Variants in SLC13A1 observed in about 807,000 individuals in gnomAD.
SLC13A1 encodes the protein solute carrier family 13 member 1.
In SLC13A1, 65 loss-of-function variants were observed where a neutral mutation model predicts 70.0. The ratio of observed to expected loss-of-function variants is 0.93; its 90% CI spans 0.76 to 1.14. SLC13A1 has a LOEUF of 1.14. SLC13A1 is among the 50% of genes most tolerant of loss of function. SLC13A1 has a pLI of 0.00. For missense variants in SLC13A1, 726 were observed against 717.8 expected (o/e 1.01, Z -0.13); for synonymous variants, 275 against 250.5 (o/e 1.10, Z -0.92).
chr7:123,128,218 G>GA (rs1407773214), intron 10 of SLC13A1, among the ~76,000 whole-genome samples: 1 of 151,612 alleles, frequency 6.6e-6, no homozygotes, highest in East Asian at 1.9e-4. Context: ...AATAAATGAA[G>GA]AAAAAAGACA....
intron 2 of SLC13A1, 112 bp downstream of exon 2, chr7:123,180,861 T>C: frequency 6.1e-6 from 7 of 1,156,658 alleles, no homozygotes; most frequent in Non-Finnish European, 8.4e-6. Context: ...TTTGGGGGAC[T>C]TATGTGGAAC....
chr7:123,157,520 C>T (rs1794751778), intron 6 of SLC13A1, among the ~76,000 whole-genome samples: 1 of 151,832 alleles, frequency 6.6e-6, no homozygotes, highest in Admixed American at 6.6e-5. Context: ...TTTTATTGCC[C>T]TAAATGTTAA....
chr7:123,157,512 T>C (rs1277033449), intron 6 of SLC13A1, among the ~76,000 whole-genome samples: 4 of 152,110 alleles, frequency 2.6e-5, no homozygotes, highest in Non-Finnish European at 5.9e-5. Flanking sequence ...TTAAAAAATT[T>C]TATTGCCCTA....
At chr7:123,137,500 T>C (rs1793991042) in intron 7 of SLC13A1, among the ~76,000 whole-genome samples, 1 of 152,134 alleles carries the variant, frequency 6.6e-6, no homozygotes. Flanking sequence ...AAACATCCTG[T>C]TGTCAGAGGA....
intron 1 of SLC13A1, among the ~76,000 whole-genome samples, chr7:123,191,001 A>C (rs1795976986): frequency 6.6e-6 from 1 of 151,184 alleles, no homozygotes; most frequent in Admixed American, 6.6e-5. Context: ...GGATTTTGTC[A>C]GTCTTTCTTT....
At chr7:123,143,967 G>T (rs189091152) in intron 7 of SLC13A1, among the ~76,000 whole-genome samples, 34 of 152,340 alleles carry the variant, frequency 2.2e-4, no homozygotes, top group African/African-American at 6.7e-4. Context: ...GTAGGGTAGA[G>T]TGGAGTAGAT....
At chr7:123,167,882 C>T (rs774061290) in intron 6 of SLC13A1, among the ~76,000 whole-genome samples, 1 of 151,900 alleles carries the variant, frequency 6.6e-6, no homozygotes, top group Non-Finnish European at 1.5e-5. Context: ...TAATGAAAAT[C>T]AGTCTATTAG....
intron 7 of SLC13A1, 121 bp from the exon 8 acceptor site, chr7:123,134,650 A>C: frequency 1.2e-6 from 1 of 862,694 alleles, no homozygotes; most frequent in Non-Finnish European, 1.8e-6. Context: ...GAAGTCCTGG[A>C]ATATACTCAT....
At chr7:123,197,964 A>G (rs1050041766) in intron 1 of SLC13A1, among the ~76,000 whole-genome samples, 4 of 152,156 alleles carry the variant, frequency 2.6e-5, no homozygotes, top group African/African-American at 7.2e-5. Flanking sequence ...AGCAGCACAG[A>G]TGATATGTGG....
Position 123,117,479 on chromosome 7 carries a change from T to C in SLC13A1, c.1642A>G (p.Ile548Val), listed in dbSNP as rs755929108. 4 of 1,613,074 alleles carry C rather than the reference T, an allele frequency of 2.5e-6. No homozygotes were observed. The highest frequency in any genetic ancestry group is 1.1e-5 in the South Asian group (1 of 91,044). ...IVFSYGHLKVIDMVKAGLGVN... is the reference protein window; with the variant it reads ...IVFSYGHLKVVDMVKAGLGVN... ...TTTTTCAGCTAACTCACCATGTCAATGACTTTCAGATGACCATATGAAAAG... is the reference window on the plus strand; with the variant it reads ...TTTTTCAGCTAACTCACCATGTCAACGACTTTCAGATGACCATATGAAAAG... Residue 548 changes from isoleucine (I) to valine (V), a missense_variant, in exon 14 of 15, where the codon ATT becomes GTT. Transcript: ENST00000194130.
intron 8 of SLC13A1, among the ~76,000 whole-genome samples, chr7:123,131,282 T>A (rs1793750568): frequency 6.6e-6 from 1 of 152,088 alleles, no homozygotes; most frequent in Non-Finnish European, 1.5e-5. Flanking sequence ...TAAATACTAT[T>A]ATAAGAAACT....
At chr7:123,176,934 A>T (rs1795465290) in intron 2 of SLC13A1, among the ~76,000 whole-genome samples, 1 of 152,052 alleles carries the variant, frequency 6.6e-6, no homozygotes, top group Non-Finnish European at 1.5e-5. Flanking sequence ...GAGTGATCTC[A>T]TCAAGTCTTA....
chr7:123,192,894 A>G (rs920729909), intron 1 of SLC13A1, among the ~76,000 whole-genome samples: 3 of 152,188 alleles, frequency 2.0e-5, no homozygotes, highest in Admixed American at 6.5e-5. Context: ...AGGAGAAATA[A>G]CTAGATGTTT....
intron 1 of SLC13A1, chr7:123,190,696 G>A: frequency 2.2e-6 from 1 of 456,252 alleles, no homozygotes; most frequent in South Asian, 1.5e-5. Flanking sequence ...AGAATAAGCT[G>A]TTGAGCATTA....
chr7:123,173,743 G>A (rs993043699), intron 2 of SLC13A1, among the ~76,000 whole-genome samples: 2 of 151,996 alleles, frequency 1.3e-5, no homozygotes, highest in African/African-American at 4.8e-5. Context: ...TAACCATCAC[G>A]TATTTTGCAC....
intron 2 of SLC13A1, among the ~76,000 whole-genome samples, chr7:123,173,496 T>C (rs10232949): frequency 0.41 from 62,443 of 151,826 alleles, 12,884 homozygotes; most frequent in African/African-American, 0.44. Context: ...GCAGAGTATA[T>C]ATTAATAAAT....
At chr7:123,172,234 A>G (rs1284285589) in intron 2 of SLC13A1, among the ~76,000 whole-genome samples, 1 of 152,190 alleles carries the variant, frequency 6.6e-6, no homozygotes, top group Admixed American at 6.6e-5. Flanking sequence ...AACGTTTTCA[A>G]TCAAGCTCCA....
intron 2 of SLC13A1, among the ~76,000 whole-genome samples, chr7:123,173,656 T>C (rs1795346692): frequency 6.6e-6 from 1 of 152,182 alleles, no homozygotes; most frequent in African/African-American, 2.4e-5. Context: ...ACGTGCTTAT[T>C]GTTTTCTCTA....
At chr7:123,167,522 T>A (rs1292382984) in intron 6 of SLC13A1, among the ~76,000 whole-genome samples, 1 of 152,204 alleles carries the variant, frequency 6.6e-6, no homozygotes, top group African/African-American at 2.4e-5. Context: ...TGAAGAAATA[T>A]ATGTCCCACT....
Sources: allele counts gnomAD v4.1 joint callset (sites outside exome capture counted in the v4.1 genomes callset), GRCh38; gene constraint gnomAD v4.1.1; transcripts MANE v1.5; gene names NCBI Gene and HGNC (gene_info 2026-07-23, HGNC 2026-07-21).